The following ADAMTS3 variants were observed in gnomAD, a reference collection of about 807,000 sequenced individuals.
ADAMTS3 encodes ADAM metallopeptidase with thrombospondin type 1 motif 3, also known as A disintegrin and metalloproteinase with thrombospondin motifs 3.
A neutral mutation model predicts 129.0 loss-of-function variants in ADAMTS3; 73 were observed. That is an observed-to-expected ratio of 0.57 (90% confidence interval 0.47 to 0.69). The LOEUF is 0.69. ADAMTS3 is among the 30% of genes least tolerant of loss of function. The pLI is 0.00. For missense variants in ADAMTS3, 1,457 were observed against 1,514.5 expected (o/e 0.96, Z 0.63); for synonymous variants, 477 against 510.8 (o/e 0.93, Z 0.89).
chr4:72,344,446 G>A (rs1720225547), intron 4 of ADAMTS3, among the ~76,000 whole-genome samples: 1 of 152,088 alleles, frequency 6.6e-6, no homozygotes, highest in Non-Finnish European at 1.5e-5. Flanking sequence ...TAAGCATACT[G>A]TGATAGAGCC....
At chr4:72,426,887 C>A (rs540769808) in intron 3 of ADAMTS3, among the ~76,000 whole-genome samples, 1 of 152,094 alleles carries the variant, frequency 6.6e-6, no homozygotes, top group South Asian at 2.1e-4. Flanking sequence ...GGGCAAGACC[C>A]CATCTCAAAA....
chr4:72,541,305 G>A (rs141847104), intron 3 of ADAMTS3, among the ~76,000 whole-genome samples: 2 of 152,204 alleles, frequency 1.3e-5, no homozygotes, highest in East Asian at 3.9e-4. Context: ...CTCCCACTTG[G>A]AATGGGTGTA....
intron 3 of ADAMTS3, among the ~76,000 whole-genome samples, chr4:72,454,977 TG>T: frequency 6.6e-6 from 1 of 151,756 alleles, no homozygotes. Context: ...TTGATTTTTA[TG>T]AGAAATGTAT....
At chr4:72,391,854 T>C (rs910857251) in intron 4 of ADAMTS3, among the ~76,000 whole-genome samples, 15 of 152,102 alleles carry the variant, frequency 9.9e-5, no homozygotes, top group African/African-American at 3.6e-4. Context: ...ACAGATGCGA[T>C]ACTTCTGCAG....
rs539803582 is a variant in ADAMTS3, at chr4:72,374,575, T to C, written c.662-34882A>G. ...GTCAATATGAAAATAAACCCTTCCA[T>C]AAATAGATTTTTATATTTTTTTCCT... On this transcript the variant is annotated intron_variant, in intron 4 of 21. Transcript: ENST00000286657. 2.6e-5 allele frequency among the ~76,000 whole-genome samples: 4 copies of C among 152,312 alleles called. No individual in the cohort carries two copies. In the South Asian group the frequency reaches 8.3e-4, roughly 32 times the overall value.
intron 3 of ADAMTS3, among the ~76,000 whole-genome samples, chr4:72,480,338 A>C (rs1560532367): frequency 6.6e-6 from 1 of 152,224 alleles, no homozygotes; most frequent in Non-Finnish European, 1.5e-5. Context: ...AACGTGGCAC[A>C]TATACACCAT....
At chr4:72,384,923 C>G (rs940134281) in intron 4 of ADAMTS3, among the ~76,000 whole-genome samples, 1 of 152,120 alleles carries the variant, frequency 6.6e-6, no homozygotes, top group Non-Finnish European at 1.5e-5. Flanking sequence ...AATCCCAGCA[C>G]TTTGGGAGGC....
chr4:72,503,270 C>T (rs777989438), intron 3 of ADAMTS3, among the ~76,000 whole-genome samples: 9 of 152,156 alleles, frequency 5.9e-5, no homozygotes, highest in Non-Finnish European at 8.8e-5. Flanking sequence ...ATCCACCCAC[C>T]TCAGCCTCCC....
chr4:72,314,321 T>C (rs553218131), intron 11 of ADAMTS3, among the ~76,000 whole-genome samples: 1 of 152,194 alleles, frequency 6.6e-6, no homozygotes, highest in East Asian at 1.9e-4. Context: ...TCATTAACAA[T>C]GATTCTGAGA....
chr4:72,333,084 G>T (rs116702071), intron 5 of ADAMTS3, among the ~76,000 whole-genome samples: 3,653 of 152,230 alleles, frequency 0.024, 151 homozygotes, highest in African/African-American at 0.084. Flanking sequence ...CTCTTCATTT[G>T]TAAACTGGGA....
Position 72,316,039 on chromosome 4 carries a change from T to C in ADAMTS3, c.1486-68A>G, listed in dbSNP as rs552362249. ...CATGACATGCACCAAAAATATATTC[T>C]ATACAGTTTCTTCTGTCCTGTTTCT... On this transcript the variant is annotated intron_variant, in intron 10 of 21. Coordinates refer to ENST00000286657, the MANE Select transcript of ADAMTS3 (RefSeq NM_014243.3). The C allele has an allele frequency of 6.7e-4, 595 of 892,904 alleles. 1 individual carries two copies. The highest frequency in any genetic ancestry group is 9.1e-4 in the Non-Finnish European group (523 of 577,502). 55.3% of individuals were successfully genotyped at this position (892,904 alleles called of 1,614,324 possible).
At chr4:72,403,630 A>T (rs1199710379) in intron 4 of ADAMTS3, among the ~76,000 whole-genome samples, 1 of 151,974 alleles carries the variant, frequency 6.6e-6, no homozygotes, top group Non-Finnish European at 1.5e-5. Context: ...TATGCAGAAA[A>T]ATTTATTTTT....
chr4:72,366,007 A>G (rs1245053826), intron 4 of ADAMTS3, among the ~76,000 whole-genome samples: 2 of 152,240 alleles, frequency 1.3e-5, no homozygotes, highest in Non-Finnish European at 2.9e-5. Context: ...CACTGGGTCC[A>G]TGAAATTGCT....
intron 4 of ADAMTS3, among the ~76,000 whole-genome samples, chr4:72,340,130 A>G (rs995639166): frequency 2.6e-5 from 4 of 152,172 alleles, no homozygotes; most frequent in Admixed American, 1.3e-4. Flanking sequence ...TTTGTGTCAC[A>G]TAAATTTAAA....
chr4:72,497,996 C>T (rs1457783166), intron 3 of ADAMTS3, among the ~76,000 whole-genome samples: 1 of 152,002 alleles, frequency 6.6e-6, no homozygotes, highest in African/African-American at 2.4e-5. Flanking sequence ...TCAATATCCA[C>T]TGAAATTTGG....
chr4:72,347,280 CT>C lies in ADAMTS3; in HGVS notation c.662-7588del, dbSNP rs78118915. On this transcript the variant is annotated intron_variant, in intron 4 of 21. Coordinates refer to ENST00000286657, the MANE Select transcript of ADAMTS3 (RefSeq NM_014243.3). ...ACCACCTCATTTTCTTATTTTACTG[CT>C]TTTTTTTTTTTTTTCCATTTGCTAA... Among the ~76,000 whole-genome samples the C allele has an allele frequency of 6.6e-3, 922 of 139,910 alleles. 1 individual carries two copies. Among genetic ancestry groups the C allele is most frequent in the Middle Eastern group, 7.6e-3 (2 of 262 alleles). The allele number at this position is 139,910 out of a possible 152,430, so 91.8% of individuals were successfully genotyped here.
intron 14 of ADAMTS3, among the ~76,000 whole-genome samples, chr4:72,310,748 C>T (rs942197570): frequency 6.6e-6 from 1 of 151,996 alleles, no homozygotes; most frequent in Admixed American, 6.6e-5. Context: ...TACTAAAATA[C>T]CCGAAGCAAA....
At position 72,322,996 on chromosome 4, in the gene ADAMTS3, T is replaced by C. The variant is rs202198328; in HGVS notation, c.945+18A>G. On this transcript the variant is annotated intron_variant, in intron 6 of 21. Coordinates refer to ENST00000286657, the MANE Select transcript of ADAMTS3 (RefSeq NM_014243.3). ...CCCAGTCCCTAATGTTTATAATTCA[T>C]GTTTTAAGACATTTTACCTTTGCAT... 17 of 1,595,082 alleles carry C rather than the reference T, an allele frequency of 1.1e-5. No individual in the cohort carries two copies. Among genetic ancestry groups the C allele is most frequent in the Middle Eastern group, 3.3e-4 (2 of 6,044 alleles).
chr4:72,531,265 C>T (rs1721033922), intron 3 of ADAMTS3, among the ~76,000 whole-genome samples: 1 of 152,034 alleles, frequency 6.6e-6, no homozygotes, highest in Admixed American at 6.6e-5. Flanking sequence ...TAATAAGAAT[C>T]TAGGTTTTTG....
Sources: allele counts gnomAD v4.1 joint callset (sites outside exome capture counted in the v4.1 genomes callset), GRCh38; gene constraint gnomAD v4.1.1; transcripts MANE v1.5; gene names NCBI Gene and HGNC (gene_info 2026-07-23, HGNC 2026-07-21).